The following BCAS1 variants were observed in gnomAD, a reference collection of about 807,000 sequenced individuals.
BCAS1 encodes the protein breast carcinoma-amplified sequence 1.
A neutral mutation model predicts 65.4 loss-of-function variants in BCAS1; 46 were observed. That is an observed-to-expected ratio of 0.70 (90% confidence interval 0.55 to 0.90). BCAS1 has a LOEUF of 0.90. BCAS1 is among the 40% of genes least tolerant of loss of function. The probability of loss-of-function intolerance (pLI) is 0.00; values close to 1 mark genes in which losing one functional copy is unlikely to be tolerated. For missense variants in BCAS1, 793 were observed against 771.2 expected (o/e 1.03, Z -0.33); for synonymous variants, 298 against 293.5 (o/e 1.02, Z -0.16).
At chr20:54,064,219 G>T (rs1361826001) in intron 1 of BCAS1, among the ~76,000 whole-genome samples, 1 of 152,238 alleles carries the variant, frequency 6.6e-6, no homozygotes, top group African/African-American at 2.4e-5. Context: ...ATTCTCTGGG[G>T]TGGGGCTGGG....
chr20:53,966,609 T>C (rs1047780451), intron 10 of BCAS1, among the ~76,000 whole-genome samples: 1 of 152,144 alleles, frequency 6.6e-6, no homozygotes, highest in African/African-American at 2.4e-5. Context: ...AAATCACTTG[T>C]ATGCTCACAA....
intron 7 of BCAS1, among the ~76,000 whole-genome samples, chr20:53,990,530 A>G (rs910116338): frequency 3.9e-5 from 6 of 152,132 alleles, no homozygotes; most frequent in African/African-American, 7.2e-5. Flanking sequence ...TAATAGCAAA[A>G]TAGTTTTATC....
chr20:54,040,829 C>T (rs1180550560), intron 3 of BCAS1, among the ~76,000 whole-genome samples: 1 of 151,222 alleles, frequency 6.6e-6, no homozygotes, highest in East Asian at 1.9e-4. Flanking sequence ...CCAGCAATTC[C>T]ATTCCTAGGT....
intron 9 of BCAS1, among the ~76,000 whole-genome samples, chr20:53,972,886 C>T (rs188252855): frequency 2.6e-5 from 4 of 152,250 alleles, no homozygotes; most frequent in East Asian, 3.9e-4. Flanking sequence ...ATGGGATCAA[C>T]GTCACAACCA....
chr20:53,990,481 T>C (rs1360829495), intron 7 of BCAS1, among the ~76,000 whole-genome samples: 1 of 152,194 alleles, frequency 6.6e-6, no homozygotes, highest in South Asian at 2.1e-4. Flanking sequence ...TGTAGAGAAA[T>C]AAAGCCCCAG....
intron 10 of BCAS1, among the ~76,000 whole-genome samples, chr20:53,959,073 T>G (rs577243231): frequency 6.6e-6 from 1 of 152,200 alleles, no homozygotes; most frequent in Non-Finnish European, 1.5e-5. Flanking sequence ...GAGTCAACTG[T>G]GCTCTTCTTT....
At chr20:53,982,791 G>A (rs570999945) in intron 8 of BCAS1, among the ~76,000 whole-genome samples, 18 of 152,138 alleles carry the variant, frequency 1.2e-4, no homozygotes, top group Non-Finnish European at 2.5e-4. Context: ...GCAGACATTT[G>A]TTTACTGCTA....
At chr20:54,002,955 C>G (rs1444578716) in intron 4 of BCAS1, among the ~76,000 whole-genome samples, 3 of 152,108 alleles carry the variant, frequency 2.0e-5, no homozygotes, top group Non-Finnish European at 4.4e-5. Flanking sequence ...ACAGGCACTG[C>G]GTGTGTCTCA....
intron 4 of BCAS1, among the ~76,000 whole-genome samples, chr20:54,023,321 G>A (rs558346031): frequency 1.3e-5 from 2 of 152,286 alleles, no homozygotes; most frequent in South Asian, 4.2e-4. Context: ...TTTTGGCTGT[G>A]CCACCTTTTA....
intron 3 of BCAS1, among the ~76,000 whole-genome samples, chr20:54,047,636 T>C (rs755503520): frequency 3.3e-5 from 5 of 152,114 alleles, no homozygotes; most frequent in Non-Finnish European, 7.4e-5. Flanking sequence ...GGTGATACAG[T>C]GCAATGGAGG....
intron 7 of BCAS1, among the ~76,000 whole-genome samples, chr20:53,990,601 G>A (rs1456140347): frequency 1.3e-5 from 2 of 152,040 alleles, no homozygotes; most frequent in African/African-American, 2.4e-5. Flanking sequence ...GGGAAATGGA[G>A]AGTATCACAC....
rs41304655 is a variant in BCAS1 at position 54,070,296 on chromosome 20, T to C, written c.-6+137A>G. On this transcript the variant is annotated intron_variant, in intron 1 of 12. Coordinates refer to ENST00000688948, the MANE Select transcript of BCAS1 (RefSeq NM_001366298.2). ...AGATAGTGGAACTGAGGCTTACACA[T>C]ATCCAAGGCCACACAGTGAACAGAA... The C allele has an allele frequency of 0.14, 21,696 of 152,260 alleles. 1,899 individuals are homozygous for C. The highest frequency in any genetic ancestry group is 0.28 in the East Asian group (1,435 of 5,174). 9.4% of individuals were successfully genotyped at this position (152,260 alleles called of 1,614,324 possible).
intron 4 of BCAS1, among the ~76,000 whole-genome samples, chr20:54,015,280 C>T (rs208643): frequency 1.3e-5 from 2 of 151,854 alleles, no homozygotes; most frequent in Admixed American, 6.6e-5. Context: ...GATCCACCCC[C>T]CTTGGCCTCC....
chr20:54,016,013 G>A (rs922165201), intron 4 of BCAS1, among the ~76,000 whole-genome samples: 5 of 152,248 alleles, frequency 3.3e-5, no homozygotes, highest in South Asian at 2.1e-4. Context: ...TTTATTCCAC[G>A]CTGCTCTTTG....
At position 54,034,400 on chromosome 20, in the gene BCAS1, A is replaced by G. The variant is rs1045742315; in HGVS notation, c.143-5428T>C. On this transcript the variant is annotated intron_variant, in intron 3 of 12. Coordinates refer to ENST00000688948, the MANE Select transcript of BCAS1 (RefSeq NM_001366298.2). ...TAGAAAACCCCATAGTCTCAGCCCC[A>G]AAGCTTCTTAAGCTGATAAACAACT... Among the ~76,000 whole-genome samples the G allele has an allele frequency of 1.3e-5, 2 of 151,400 alleles. 1 individual carries two copies. The highest frequency in any genetic ancestry group is 4.2e-4 in the South Asian group (2 of 4,776).
intron 3 of BCAS1, among the ~76,000 whole-genome samples, chr20:54,031,021 G>A (rs1445369571): frequency 6.6e-6 from 1 of 151,236 alleles, no homozygotes; most frequent in South Asian, 2.1e-4. Context: ...AGGAGAAGAG[G>A]GTATGGTTGA....
chr20:54,063,658 CTT>C (rs2092402283), intron 1 of BCAS1, among the ~76,000 whole-genome samples: 1 of 152,138 alleles, frequency 6.6e-6, no homozygotes, highest in African/African-American at 2.4e-5. Context: ...ACACAGGACT[CTT>C]ATGTTAAAAT....
chr20:54,013,689 T>A (rs1229535898), intron 4 of BCAS1, among the ~76,000 whole-genome samples: 1 of 152,006 alleles, frequency 6.6e-6, no homozygotes, highest in African/African-American at 2.4e-5. Flanking sequence ...AGCCAGCCAA[T>A]GGGCATTAAA....
intron 3 of BCAS1, among the ~76,000 whole-genome samples, chr20:54,041,909 C>CAAAAAAAAA (rs796435949): frequency 3.8e-5 from 3 of 79,784 alleles, no homozygotes; most frequent in Admixed American, 1.7e-4. Flanking sequence ...CTGTCTCCCC[C>CAAAAAAAAA]AAAAAAAAAA....
Sources: allele counts gnomAD v4.1 joint callset (sites outside exome capture counted in the v4.1 genomes callset), GRCh38; gene constraint gnomAD v4.1.1; transcripts MANE v1.5; gene names NCBI Gene and HGNC (gene_info 2026-07-23, HGNC 2026-07-21).